Variants in TRIM8 observed in about 807,000 individuals in gnomAD.
TRIM8 encodes the protein E3 ubiquitin-protein ligase TRIM8.
Under a neutral mutation model 55.7 loss-of-function variants are expected in TRIM8, and 9 were observed. That is an observed-to-expected ratio of 0.16 (90% confidence interval 0.10 to 0.28). TRIM8 has a LOEUF of 0.28. TRIM8 is among the 10% of genes least tolerant of loss of function. The pLI is 1.00. For missense variants in TRIM8, 556 were observed against 736.4 expected, an observed-to-expected ratio of 0.76 and a Z score of 2.83; for synonymous variants, 335 against 333.3, an observed-to-expected ratio of 1.01 and a Z score of -0.06.
rs368486398 is a variant in TRIM8 at position 102,656,226 on chromosome 10, C to G, written c.933-44C>G. ...TGGCGGGGAGGTAGGGCGGGCTCAC[C>G]GGTGATGCCTCCTCACAGCAGATGC... is the stretch of plus-strand genomic sequence containing the variant. On this transcript the variant is annotated intron_variant, in intron 4 of 5. Coordinates refer to ENST00000643721, the MANE Select transcript of TRIM8 (RefSeq NM_030912.3). The surrounding 1 kb of genome is among the most constrained non-coding windows in gnomAD (Gnocchi z 4.6). 2 of 1,614,020 alleles carry G rather than the reference C, an allele frequency of 1.2e-6. No individual in the cohort carries two copies. The highest frequency in any genetic ancestry group is 2.2e-5 in the East Asian group (1 of 44,880).
chr10:102,645,517 C>T (rs911614294), intron 1 of TRIM8: 3 of 237,724 alleles, frequency 1.3e-5, no homozygotes, highest in African/African-American at 6.8e-5. Flanking sequence ...GCTGTAGGCC[C>T]TACGGGAAGT....
rs1023051907 is a variant in TRIM8 at position 102,656,190 on chromosome 10, G to A, written c.932+53G>A. 12 of 1,614,148 alleles carry A rather than the reference G, an allele frequency of 7.4e-6. No homozygotes were observed. The highest frequency in any genetic ancestry group is 6.7e-5 in the East Asian group (3 of 44,882). On this transcript the variant is annotated intron_variant, in intron 4 of 5. Transcript: ENST00000643721. This position sits in a 1 kb window ranked among gnomAD's most constrained non-coding sequence, Gnocchi z 4.6. ...GGGCACATCCTGGGGAGGGCAGGGG[G>A]GCCAGGCCCATGGCGGGGAGGTAGG... is the stretch of plus-strand genomic sequence containing the variant.
At chr10:102,652,707 A>C (rs577243902) in intron 1 of TRIM8, among the ~76,000 whole-genome samples, 2 of 152,286 alleles carry the variant, frequency 1.3e-5, no homozygotes, top group East Asian at 3.9e-4. Context: ...GAACTTCTGC[A>C]TGATGGTAAC....
intron 1 of TRIM8, among the ~76,000 whole-genome samples, chr10:102,645,996 C>A (rs2063931995): frequency 6.6e-6 from 1 of 152,188 alleles, no homozygotes; most frequent in South Asian, 2.1e-4. Flanking sequence ...TAAGGTTGAG[C>A]CGCCTTGAAA....
chr10:102,650,446 A>G (rs2063975482), intron 1 of TRIM8, among the ~76,000 whole-genome samples: 1 of 152,158 alleles, frequency 6.6e-6, no homozygotes, highest in South Asian at 2.1e-4. Flanking sequence ...CCCCGGGCAG[A>G]TCACCAAAGG....
rs2064023208 is a variant in TRIM8 at position 102,656,217 on chromosome 10, C to T, written c.933-53C>T. 3.1e-6 allele frequency: 5 copies of T among 1,613,900 alleles called. No homozygotes were observed. Among genetic ancestry groups the T allele is most frequent in the Admixed American group, 3.3e-5 (2 of 60,008 alleles). On this transcript the variant is annotated intron_variant, in intron 4 of 5. Coordinates refer to ENST00000643721, the MANE Select transcript of TRIM8 (RefSeq NM_030912.3). The surrounding 1 kb of genome is among the most constrained non-coding windows in gnomAD (Gnocchi z 4.6). ...CCAGGCCCATGGCGGGGAGGTAGGG[C>T]GGGCTCACCGGTGATGCCTCCTCAC...
At position 102,656,374 on chromosome 10, in the gene TRIM8, A is replaced by G; in HGVS notation, c.1037A>G (p.Lys346Arg). 6.2e-7 allele frequency: 1 copy of G among 1,612,918 alleles called. No individual in the cohort carries two copies. The highest frequency in any genetic ancestry group is 8.5e-7 in the Non-Finnish European group (1 of 1,179,444). ...GCCAAGAAGGAGAAGCAGCTGCGGA[A>G]AATGCTAGAAGGTGAGGGTGGGGTG... is the stretch of plus-strand genomic sequence containing the variant. Reference protein sequence around the residue: ...EVAKKEKQLRKMLEGPFSTPV... With the variant: ...EVAKKEKQLRRMLEGPFSTPV... The change falls in exon 5 of 6, where the codon AAA (lysine) becomes AGA (arginine). Residue 346 changes from lysine (K) to arginine (R), a missense_variant. Physicochemically the swap from Lys to Arg is conservative, Grantham distance 26. Around this residue, in one of 2 missense-constraint regions of TRIM8, gnomAD observed 391 missense variants for 441.0 expected, o/e 0.89. Transcript: ENST00000643721. This position sits in a 1 kb window ranked among gnomAD's most constrained non-coding sequence, Gnocchi z 4.6.
chr10:102,656,750 C>A lies in TRIM8; in HGVS notation c.1052C>A (p.Pro351His). 1 of 1,510,944 alleles carries A rather than the reference C, an allele frequency of 6.6e-7. No homozygotes were observed. Among genetic ancestry groups the A allele is most frequent in the Non-Finnish European group, 8.8e-7 (1 of 1,131,088 alleles). The allele number at this position is 1,510,944 out of a possible 1,614,324, so 93.6% of individuals were successfully genotyped here. The change falls in exon 6 of 6, where the codon CCC becomes CAC. Residue 351 changes from proline (P) to histidine (H), a missense_variant. By Grantham distance (77) the Pro-to-His change is moderately conservative. This residue lies in a region of TRIM8 where 391 missense variants were observed against 441.0 expected (regional missense o/e 0.89). Transcript: ENST00000643721. This position sits in a 1 kb window ranked among gnomAD's most constrained non-coding sequence, Gnocchi z 4.6. ...EKQLRKMLEG[P>H]FSTPVPFLQS... ...CTTTTGCCCCAACTCTCCACAGGCCCCTTCAGCACGCCGGTGCCCTTCCTG... is the reference window on the plus strand; with the variant it reads ...CTTTTGCCCCAACTCTCCACAGGCCACTTCAGCACGCCGGTGCCCTTCCTG...
chr10:102,649,056 G>A (rs917056096), intron 1 of TRIM8, among the ~76,000 whole-genome samples: 2 of 152,078 alleles, frequency 1.3e-5, no homozygotes, highest in Non-Finnish European at 2.9e-5. Context: ...GTGTGTGTGC[G>A]TGCATGTGTA....
Position 102,645,199 on chromosome 10 carries a change from A to ACG in TRIM8, c.570+24_570+25dup, listed in dbSNP as rs530070640. On this transcript the variant is annotated intron_variant, in intron 1 of 5. Coordinates refer to ENST00000643721, the MANE Select transcript of TRIM8 (RefSeq NM_030912.3). ...GGAATGAAATCCGGGCAAGTACCCT[A>ACG]CGCGCGCGCGCGCACACACACACAC... The ACG allele has an allele frequency of 2.8e-4, 426 of 1,514,028 alleles. 1 individual carries two copies. Among genetic ancestry groups the ACG allele is most frequent in the Middle Eastern group, 1.6e-3 (9 of 5,508 alleles). 93.8% of individuals were successfully genotyped at this position (1,514,028 alleles called of 1,614,324 possible).
chr10:102,656,129 G>A lies in TRIM8; in HGVS notation c.924G>A (p.Leu308=). Residue 308 remains leucine (L), a synonymous_variant, in exon 4 of 6, where the codon CTG becomes CTA. Coordinates refer to ENST00000643721, the MANE Select transcript of TRIM8 (RefSeq NM_030912.3). This position sits in a 1 kb window ranked among gnomAD's most constrained non-coding sequence, Gnocchi z 4.6. ...FMKNTKSVKI[L]MDRTQTCTSS... is the part of the protein sequence containing the mutation. ...AGAACACCAAGTCTGTGAAAATCCT[G>A]ATGGACAGGTAAGCTGAGGGCCCTA... 1.9e-6 allele frequency: 3 copies of A among 1,614,164 alleles called. No homozygotes were observed. Among genetic ancestry groups the A allele is most frequent in the Non-Finnish European group, 2.5e-6 (3 of 1,180,038 alleles).
chr10:102,644,728 C>A lies in TRIM8; in HGVS notation c.111C>A (p.Gly37=). 2 of 1,613,450 alleles carry A rather than the reference C, an allele frequency of 1.2e-6. No individual in the cohort carries two copies. Among genetic ancestry groups the A allele is most frequent in the Non-Finnish European group, 8.5e-7 (1 of 1,179,882 alleles). The change falls in exon 1 of 6, where the codon GGC becomes GGA. Residue 37 remains glycine (G), a synonymous_variant. Coordinates refer to ENST00000643721, the MANE Select transcript of TRIM8 (RefSeq NM_030912.3). ...CGTGCAAACACAACTTCTGCCGGGGCTGCATCGGCGAGGCGTGGGCCAAGG... is the reference window on the plus strand; with the variant it reads ...CGTGCAAACACAACTTCTGCCGGGGATGCATCGGCGAGGCGTGGGCCAAGG... ...QLPCKHNFCR[G]CIGEAWAKDS...
chr10:102,648,889 C>G (rs895554502), intron 1 of TRIM8, among the ~76,000 whole-genome samples: 1 of 152,148 alleles, frequency 6.6e-6, no homozygotes, highest in Non-Finnish European at 1.5e-5. Flanking sequence ...CTCCGTTGCC[C>G]GTGAAAGGGA....
Position 102,644,563 on chromosome 10 carries a change from C to T in TRIM8, c.-55C>T, listed in dbSNP as rs755053515. On this transcript the variant is annotated 5_prime_UTR_variant, in exon 1 of 6. Transcript: ENST00000643721. ...TGGGCCTACAGCGGCTCCGGACGGA[C>T]CCCCGGGGCTGGGGAGTCGGGGAGG... is the stretch of plus-strand genomic sequence containing the variant. The T allele has an allele frequency of 1.2e-4, 182 of 1,554,070 alleles. No homozygotes were observed. The highest frequency in any genetic ancestry group is 2.2e-4 in the Middle Eastern group (1 of 4,542).
Position 102,657,212 on chromosome 10 carries a change from C to T in TRIM8, c.1514C>T (p.Pro505Leu), listed in dbSNP as rs1187198843. The T allele has an allele frequency of 3.1e-6, 5 of 1,613,864 alleles. No individual in the cohort carries two copies. Among genetic ancestry groups the T allele is most frequent in the African/African-American group, 2.7e-5 (2 of 74,910 alleles). The part of the protein sequence containing the change: ...WTVPSQEYSH[P>L]LPPTPSVPQS... ...GTGCCCTCGCAGGAGTACTCACACC[C>T]GCTCCCGCCCACACCCTCCGTCCCC... Residue 505 changes from proline to leucine, a missense_variant, in exon 6 of 6, where the codon CCG becomes CTG. By Grantham distance (98) the Pro-to-Leu change is moderately conservative. Transcript: ENST00000643721.
In TRIM8 at chr10:102,657,740, C is replaced by T. The variant is rs186255685; in HGVS notation, c.*386C>T. The T allele has an allele frequency of 2.3e-3, 425 of 181,338 alleles. 3 individuals are homozygous for T. Among genetic ancestry groups the T allele is most frequent in the African/African-American group, 9.4e-3 (399 of 42,468 alleles). 11.2% of individuals were successfully genotyped at this position (181,338 alleles called of 1,614,324 possible). ...AGCTTGGGGGTCCCACCCTTCTTAC[C>T]CCACCCGGGAGGAACGCCCAGGGCC... On this transcript the variant is annotated 3_prime_UTR_variant, in exon 6 of 6. Transcript: ENST00000643721.
In TRIM8 at chr10:102,656,997, A is replaced by G. The variant is rs771318556; in HGVS notation, c.1299A>G (p.Gln433=). 10 of 1,612,450 alleles carry G rather than the reference A, an allele frequency of 6.2e-6. No homozygotes were observed. The highest frequency in any genetic ancestry group is 8.5e-6 in the Non-Finnish European group (10 of 1,179,804). ...TGGTGGCCCTGCCGGGCGGCGCCCA[A>G]CCAGTGCACTCAAGCCCCGTGTTCC... ...QHLVALPGGA[Q]PVHSSPVFPP... is the part of the protein sequence containing the mutation. Residue 433 remains glutamine, a synonymous_variant, in exon 6 of 6, where the codon CAA becomes CAG. Transcript: ENST00000643721. This position sits in a 1 kb window ranked among gnomAD's most constrained non-coding sequence, Gnocchi z 4.6.
At chr10:102,655,421 C>T (rs1384481487) in intron 3 of TRIM8, 108 bp downstream of exon 3, 4 of 1,048,718 alleles carry the variant, frequency 3.8e-6, no homozygotes, top group African/African-American at 3.2e-5. Context: ...TTGGAGCCAG[C>T]ATGCATGGGT....
chr10:102,654,486 G>A (rs2064008190), intron 1 of TRIM8, 167 bp from the exon 2 acceptor site: 2 of 655,026 alleles, frequency 3.1e-6, no homozygotes, highest in African/African-American at 1.8e-5. Context: ...TCTGGGGAGA[G>A]CTGGGAATAG....
Sources: gnomAD v4.1 joint callset for allele counts (sites outside exome capture counted in the v4.1 genomes callset) on GRCh38, gnomAD v4.1.1 for gene constraint, gnomAD v4.1.1 regional missense constraint, Gnocchi (gnomAD v3.1) non-coding constraint, MANE v1.5 for transcripts, NCBI Gene and HGNC (gene_info 2026-07-23, HGNC 2026-07-21) for gene names.